IGSF11: variants seen among roughly 807,000 people sequenced by gnomAD.
IGSF11 encodes immunoglobulin superfamily member 11.
In IGSF11, 22 loss-of-function variants were observed where a neutral mutation model predicts 41.0. The observed-to-expected ratio is 0.54, with a 90% CI of 0.38 to 0.77. The LOEUF (loss-of-function observed/expected upper bound fraction) is 0.77. IGSF11 is among the 30% of genes least tolerant of loss of function. The pLI is 0.00. For missense variants in IGSF11, 444 were observed against 530.8 expected (o/e 0.84, Z 1.61); for synonymous variants, 219 against 201.3 (o/e 1.09, Z -0.74).
At chr3:119,084,767 C>A (rs535218703) in intron 1 of IGSF11, among the ~76,000 whole-genome samples, 1 of 152,206 alleles carries the variant, frequency 6.6e-6, no homozygotes, top group Non-Finnish European at 1.5e-5. Context: ...GTTTGTAAGC[C>A]CTTCATATCT....
chr3:118,938,344 C>T (rs996782634), intron 1 of IGSF11, among the ~76,000 whole-genome samples: 1 of 152,174 alleles, frequency 6.6e-6, no homozygotes, highest in African/African-American at 2.4e-5. Context: ...ATTAGTGCTG[C>T]CCCTTTAGAC....
intron 1 of IGSF11, among the ~76,000 whole-genome samples, chr3:119,020,135 T>TC (rs1939145382): frequency 6.6e-6 from 1 of 152,184 alleles, no homozygotes; most frequent in African/African-American, 2.4e-5. Context: ...TTTCTGTTGT[T>TC]TATAAGCCAC....
chr3:118,977,326 G>A (rs989264796), intron 1 of IGSF11, among the ~76,000 whole-genome samples: 3 of 152,264 alleles, frequency 2.0e-5, no homozygotes, highest in Admixed American at 2.0e-4. Context: ...GGGCCCTTGT[G>A]GCTAAGGGGC....
chr3:119,102,123 C>T (rs2076948559), intron 1 of IGSF11, among the ~76,000 whole-genome samples: 1 of 152,158 alleles, frequency 6.6e-6, no homozygotes, highest in South Asian at 2.1e-4. Context: ...TTTATTTTCA[C>T]CTTAATTCCA....
chr3:119,075,900 G>T (rs577920230), intron 1 of IGSF11, among the ~76,000 whole-genome samples: 6 of 152,180 alleles, frequency 3.9e-5, no homozygotes, highest in African/African-American at 1.2e-4. Flanking sequence ...CACAGAACTG[G>T]AAAAAACTAC....
intron 1 of IGSF11, among the ~76,000 whole-genome samples, chr3:119,102,134 C>T (rs2076948769): frequency 6.6e-6 from 1 of 152,176 alleles, no homozygotes; most frequent in Non-Finnish European, 1.5e-5. Context: ...CTTAATTCCA[C>T]ATTTAATCAT....
rs117897683 is a variant in IGSF11, at chr3:119,074,181, C to T, written c.49+30963G>A. Among the ~76,000 whole-genome samples, 69 of 152,286 alleles carry T rather than the reference C, an allele frequency of 4.5e-4. No homozygotes were observed. The East Asian group carries it at 0.012, about 27-fold the overall frequency. On this transcript the variant is annotated intron_variant, in intron 1 of 6. Transcript: ENST00000354673. The stretch of plus-strand genomic sequence containing the variant: ...ACCAAATGGACCTAACAGACATCTA[C>T]AGAACACTCTACCCAACAACAACAG...
chr3:119,046,367 T>C (rs1228434246), intron 1 of IGSF11, among the ~76,000 whole-genome samples: 1 of 152,176 alleles, frequency 6.6e-6, no homozygotes. Context: ...CAGGAGCTGA[T>C]GCAATCAACT....
chr3:119,001,072 T>C (rs903426636), intron 1 of IGSF11, among the ~76,000 whole-genome samples: 2 of 152,110 alleles, frequency 1.3e-5, no homozygotes, highest in African/African-American at 2.4e-5. Flanking sequence ...AGGACCTTTG[T>C]ACTGGCTGTC....
intron 1 of IGSF11, among the ~76,000 whole-genome samples, chr3:119,065,391 T>C (rs918416320): frequency 6.6e-6 from 1 of 152,220 alleles, no homozygotes; most frequent in African/African-American, 2.4e-5. Context: ...TTACATATAA[T>C]TGGATTTTTT....
At position 118,906,909 on chromosome 3, in the gene IGSF11, T is replaced by C. The variant is rs528169120; in HGVS notation, c.581-1191A>G. Among the ~76,000 whole-genome samples, 14 of 152,326 alleles carry C rather than the reference T, an allele frequency of 9.2e-5. 1 individual carries two copies. In the South Asian group the frequency reaches 2.9e-3, roughly 32 times the overall value. On this transcript the variant is annotated intron_variant, in intron 4 of 6. Transcript: ENST00000393775. The stretch of plus-strand genomic sequence containing the variant: ...CTGAAGCTTTAGATGTTTAATAAGA[T>C]TACACAGCTGGTTGTTAGGAAATTC...
chr3:118,912,188 T>C (rs992445953), intron 4 of IGSF11, among the ~76,000 whole-genome samples: 1 of 152,252 alleles, frequency 6.6e-6, no homozygotes, highest in Non-Finnish European at 1.5e-5. Context: ...TCTGTGCATC[T>C]TTAAAGTGTG....
intron 1 of IGSF11, among the ~76,000 whole-genome samples, chr3:119,045,684 G>C (rs1349059407): frequency 6.6e-6 from 1 of 151,968 alleles, no homozygotes; most frequent in African/African-American, 2.4e-5. Context: ...CTCCACCTCT[G>C]GGGGCAGGGC....
chr3:119,109,872 TG>T (rs1459764189), upstream of IGSF11, among the ~76,000 whole-genome samples: 2 of 152,218 alleles, frequency 1.3e-5, no homozygotes, highest in East Asian at 3.8e-4. Context: ...AGGAGCAGGT[TG>T]TTCAGTTTCC....
At chr3:119,042,260 G>A (rs1255184712) in intron 1 of IGSF11, among the ~76,000 whole-genome samples, 1 of 152,234 alleles carries the variant, frequency 6.6e-6, no homozygotes, top group African/African-American at 2.4e-5. Context: ...TCAGAGAGAG[G>A]CCACAGGGTG....
chr3:118,926,274 A>C lies in IGSF11; in HGVS notation c.425-18T>G, dbSNP rs1009183060. ...AGGGGGAACTATAACAGGAAGAATA[A>C]GCAATAAAGTACACATTTTACTGTG... On this transcript the variant is annotated intron_variant, in intron 3 of 6. Coordinates refer to ENST00000393775, the MANE Select transcript of IGSF11 (RefSeq NM_001015887.3). 25 of 1,559,176 alleles carry C rather than the reference A, an allele frequency of 1.6e-5. No individual in the cohort carries two copies. Among genetic ancestry groups the C allele is most frequent in the Non-Finnish European group, 2.1e-5 (24 of 1,145,422 alleles).
At chr3:119,134,448 T>C (rs1169155284) in intron 1 of IGSF11, among the ~76,000 whole-genome samples, 2 of 152,024 alleles carry the variant, frequency 1.3e-5, no homozygotes, top group Non-Finnish European at 2.9e-5. Flanking sequence ...AAATCATGAG[T>C]GAACTCCCAC....
At chr3:119,072,612 T>C (rs2076418183) in intron 1 of IGSF11, among the ~76,000 whole-genome samples, 1 of 152,202 alleles carries the variant, frequency 6.6e-6, no homozygotes, top group Admixed American at 6.5e-5. Context: ...ACCTTCGTGG[T>C]AAGTGTTACA....
intron 1 of IGSF11, among the ~76,000 whole-genome samples, chr3:119,076,440 A>G (rs1385630118): frequency 2.0e-5 from 3 of 152,244 alleles, no homozygotes; most frequent in Non-Finnish European, 4.4e-5. Flanking sequence ...GAGCTTCTGC[A>G]CAGCAAAAGA....
Sources: allele counts gnomAD v4.1 joint callset (sites outside exome capture counted in the v4.1 genomes callset), GRCh38; gene constraint gnomAD v4.1.1; transcripts MANE v1.5; gene names NCBI Gene and HGNC (gene_info 2026-07-23, HGNC 2026-07-21).